Variants in PCDHGB1 observed in about 807,000 individuals in gnomAD.
The protein encoded by PCDHGB1 is protocadherin gamma-B1.
In PCDHGB1, 34 loss-of-function variants were observed where a neutral mutation model predicts 56.6. That is an observed-to-expected ratio of 0.60 (90% CI 0.46 to 0.80). The LOEUF (loss-of-function observed/expected upper bound fraction) is 0.80. Ranked by LOEUF, PCDHGB1 falls within the 30% of genes least tolerant of loss-of-function variation. PCDHGB1 has a pLI of 0.00. For missense variants in PCDHGB1, 1,278 were observed against 1,204.6 expected (o/e 1.06, Z -0.90); for synonymous variants, 561 against 505.9 (o/e 1.11, Z -1.46).
chr5:141,415,045 G>T, intron 1 of PCDHGB1: 1 of 1,613,538 alleles, frequency 6.2e-7, no homozygotes, highest in East Asian at 2.2e-5. Context: ...CTTCGCGGTG[G>T]GGGAGCACAC....
chr5:141,445,576 G>A (rs1459010134), intron 1 of PCDHGB1, among the ~76,000 whole-genome samples: 1 of 152,158 alleles, frequency 6.6e-6, no homozygotes, highest in Non-Finnish European at 1.5e-5. Flanking sequence ...TTATAGTAGG[G>A]AAGCTTCGCC....
chr5:141,427,776 G>A (rs3828681), intron 1 of PCDHGB1: 73,622 of 1,424,156 alleles, frequency 0.052, 2,339 homozygotes, highest in African/African-American at 0.13. Flanking sequence ...GGAGCTGCGG[G>A]CACTGTCGTC....
chr5:141,360,478 A>C, intron 1 of PCDHGB1: 1 of 1,613,910 alleles, frequency 6.2e-7, no homozygotes, highest in Non-Finnish European at 8.5e-7. Context: ...AAATCCACTA[A>C]ATATTTTCTA....
intron 1 of PCDHGB1, chr5:141,366,452 G>A (rs1764567762): frequency 3.7e-6 from 6 of 1,614,196 alleles, no homozygotes; most frequent in East Asian, 4.5e-5. Flanking sequence ...CCTGGCCTTC[G>A]TCATCGTGCT....
At chr5:141,417,798 C>T in intron 1 of PCDHGB1, 2 of 1,486,472 alleles carry the variant, frequency 1.3e-6, no homozygotes, top group Non-Finnish European at 1.8e-6. Context: ...GCTCTTTTAG[C>T]GCGGTAGAGT....
At chr5:141,398,014 C>G in intron 1 of PCDHGB1, 1 of 1,420,276 alleles carries the variant, frequency 7.0e-7, no homozygotes, top group Non-Finnish European at 9.4e-7. Flanking sequence ...AGAATCGTTT[C>G]CTAAACTGGA....
Position 141,491,401 on chromosome 5 carries a change from G to A in PCDHGB1, c.2410-3406G>A. The A allele has an allele frequency of 6.2e-7, 1 of 1,614,100 alleles. No homozygotes were observed. ...GTCAGCGAAGTGCCTTCAGGGAAAC[G>A]CAGACGGGGACGGGGGTGGAGGGCA... On this transcript the variant is annotated intron_variant, in intron 1 of 3. Transcript: ENST00000523390. This position sits in a 1 kb window ranked among gnomAD's most constrained non-coding sequence, Gnocchi z 6.9.
At chr5:141,453,288 A>T (rs931678565) in intron 1 of PCDHGB1, among the ~76,000 whole-genome samples, 18 of 151,342 alleles carry the variant, frequency 1.2e-4, no homozygotes, top group Admixed American at 3.3e-4. Context: ...TAATTTTTTA[A>T]TTATTTATTT....
In PCDHGB1 at chr5:141,477,074, A is replaced by G; in HGVS notation, c.2410-17733A>G. Reference sequence around the variant, plus strand: ...CTTCGAGGACACCAAACTCCATGAGATTTACATCCAGGCCAAAGACAAGGG... The same window carrying G: ...CTTCGAGGACACCAAACTCCATGAGGTTTACATCCAGGCCAAAGACAAGGG... On this transcript the variant is annotated intron_variant, in intron 1 of 3. Coordinates refer to ENST00000523390, the MANE Select transcript of PCDHGB1 (RefSeq NM_018922.3). This position sits in a 1 kb window ranked among gnomAD's most constrained non-coding sequence, Gnocchi z 4.9. 1 of 1,614,250 alleles carries G rather than the reference A, an allele frequency of 6.2e-7. No homozygotes were observed.
At chr5:141,456,777 A>G (rs572940615) in intron 1 of PCDHGB1, among the ~76,000 whole-genome samples, 2 of 152,214 alleles carry the variant, frequency 1.3e-5, no homozygotes, top group Admixed American at 6.5e-5. Flanking sequence ...AGCCTGGCCT[A>G]CATGGCAAAA....
chr5:141,369,472 G>C (rs557451479), intron 1 of PCDHGB1, among the ~76,000 whole-genome samples: 3 of 152,128 alleles, frequency 2.0e-5, no homozygotes, highest in Non-Finnish European at 4.4e-5. Flanking sequence ...TTCTAGCCCA[G>C]CCTGGGCAAC....
intron 1 of PCDHGB1, chr5:141,357,368 G>C: frequency 1.2e-6 from 2 of 1,614,156 alleles, no homozygotes; most frequent in Non-Finnish European, 1.7e-6. Flanking sequence ...CACAAGTCAC[G>C]CCTGCTTCAC....
At chr5:141,383,704 C>A in intron 1 of PCDHGB1, 1 of 1,613,980 alleles carries the variant, frequency 6.2e-7, no homozygotes, top group South Asian at 1.1e-5. Flanking sequence ...TGCTATCGAC[C>A]TGGACGAGGG....
At position 141,432,950 on chromosome 5, in the gene PCDHGB1, G is replaced by A. The variant is rs750033444; in HGVS notation, c.2410-61857G>A. 9.9e-6 allele frequency: 16 copies of A among 1,614,190 alleles called. No individual in the cohort carries two copies. The highest frequency in any genetic ancestry group is 1.3e-5 in the African/African-American group (1 of 75,060). ...ACGCCTGCTGCAGGCTTCAGGAGGC[G>A]GCTTGACAGGAGCGCCGGCGTCGCA... is the stretch of plus-strand genomic sequence containing the variant. On this transcript the variant is annotated intron_variant, in intron 1 of 3. Coordinates refer to ENST00000523390, the MANE Select transcript of PCDHGB1 (RefSeq NM_018922.3). This position sits in a 1 kb window ranked among gnomAD's most constrained non-coding sequence, Gnocchi z 6.0.
At position 141,476,128 on chromosome 5, in the gene PCDHGB1, G is replaced by A. The variant is rs1450094771; in HGVS notation, c.2410-18679G>A. 1 of 1,606,456 alleles carries A rather than the reference G, an allele frequency of 6.2e-7. No homozygotes were observed. Among genetic ancestry groups the A allele is most frequent in the African/African-American group, 1.3e-5 (1 of 74,874 alleles). On this transcript the variant is annotated intron_variant, in intron 1 of 3. Transcript: ENST00000523390. The surrounding 1 kb of genome is among the most constrained non-coding windows in gnomAD (Gnocchi z 7.6). ...TGCTTTTGAGTGAGATGGTCCCAGA[G>A]GCCTGGAGGAGCGGACTGGTAAGCA...
intron 1 of PCDHGB1, chr5:141,403,178 T>C (rs1294905670): frequency 6.2e-7 from 1 of 1,613,980 alleles, no homozygotes; most frequent in Middle Eastern, 1.7e-4. Flanking sequence ...GCAGCTTTTC[T>C]CTCTGAACCC....
At chr5:141,505,780 G>A (rs1595982811) in intron 3 of PCDHGB1, among the ~76,000 whole-genome samples, 1 of 139,456 alleles carries the variant, frequency 7.2e-6, no homozygotes, top group Non-Finnish European at 1.6e-5. Flanking sequence ...TCCTAGCTCT[G>A]CTACTATCCT....
intron 1 of PCDHGB1, chr5:141,388,450 G>GATGGCAA: frequency 6.2e-7 from 1 of 1,613,844 alleles, no homozygotes; most frequent in Non-Finnish European, 8.5e-7. Flanking sequence ...TCAGATGGCA[G>GATGGCAA]TAAATACCCT....
chr5:141,482,472 CTG>C (rs2099561247), intron 1 of PCDHGB1, among the ~76,000 whole-genome samples: 2 of 136,856 alleles, frequency 1.5e-5, no homozygotes, highest in Non-Finnish European at 3.0e-5. Context: ...GTGCCAGACA[CTG>C]TAAACAATTA....
Sources: allele counts gnomAD v4.1 joint callset (sites outside exome capture counted in the v4.1 genomes callset), GRCh38; gene constraint gnomAD v4.1.1; non-coding constraint Gnocchi (gnomAD v3.1); transcripts MANE v1.5; gene names NCBI Gene and HGNC (gene_info 2026-07-23, HGNC 2026-07-21).